The following SLC24A2 variants were observed in gnomAD, a reference collection of about 807,000 sequenced individuals.
SLC24A2 encodes solute carrier family 24 member 2.
A neutral mutation model predicts 62.0 loss-of-function variants in SLC24A2; 36 were observed. The ratio of observed to expected loss-of-function variants is 0.58; its 90% CI spans 0.44 to 0.77. The LOEUF is 0.77. Ranked by LOEUF, SLC24A2 falls within the 30% of genes least tolerant of loss-of-function variation. The pLI is 0.00. For missense variants in SLC24A2, 846 were observed against 817.9 expected (o/e 1.03, Z -0.42); for synonymous variants, 358 against 294.0 (o/e 1.22, Z -2.23).
intron 2 of SLC24A2, among the ~76,000 whole-genome samples, chr9:19,729,340 C>A (rs1401644508): frequency 6.6e-6 from 1 of 152,194 alleles, no homozygotes; most frequent in African/African-American, 2.4e-5. Context: ...AATAGGACCA[C>A]TGTATGATCC....
chr9:19,888,737 T>C, the SLC24A2 span, among the ~76,000 whole-genome samples: 1 of 152,206 alleles, frequency 6.6e-6, no homozygotes, highest in South Asian at 2.1e-4. Flanking sequence ...CAGAATCTGC[T>C]GCCTCGGTGT....
the SLC24A2 span, among the ~76,000 whole-genome samples, chr9:19,954,587 A>AT: frequency 0.022 from 3,237 of 148,086 alleles, 107 homozygotes; most frequent in African/African-American, 0.075. Context: ...CTTCCGCCAG[A>AT]TTTTTTTTTT....
At chr9:19,838,446 G>C in the SLC24A2 span, among the ~76,000 whole-genome samples, 1 of 133,616 alleles carries the variant, frequency 7.5e-6, no homozygotes, top group South Asian at 2.6e-4. Flanking sequence ...TTAAATGTTA[G>C]ACCTAAAACC....
the SLC24A2 span, among the ~76,000 whole-genome samples, chr9:19,851,300 C>T: frequency 6.6e-6 from 1 of 151,538 alleles, no homozygotes; most frequent in Non-Finnish European, 1.5e-5. Context: ...GCTGGGATTA[C>T]AGGTGTGAGC....
the SLC24A2 span, among the ~76,000 whole-genome samples, chr9:20,094,389 T>C: frequency 6.6e-6 from 1 of 152,212 alleles, no homozygotes; most frequent in Non-Finnish European, 1.5e-5. Flanking sequence ...TAAATGAGCC[T>C]GTCACTACAA....
At chr9:19,774,528 T>C (rs1485495304) in intron 2 of SLC24A2, among the ~76,000 whole-genome samples, 1 of 152,196 alleles carries the variant, frequency 6.6e-6, no homozygotes, top group Non-Finnish European at 1.5e-5. Context: ...TATATTTGGT[T>C]GCTATCAGGT....
the SLC24A2 span, among the ~76,000 whole-genome samples, chr9:20,077,024 C>T: frequency 6.6e-6 from 1 of 151,020 alleles, no homozygotes; most frequent in South Asian, 2.1e-4. Flanking sequence ...AGGCCTTCAG[C>T]TAATGAAATA....
the SLC24A2 span, among the ~76,000 whole-genome samples, chr9:20,132,948 G>C: frequency 6.6e-6 from 1 of 152,072 alleles, no homozygotes; most frequent in Non-Finnish European, 1.5e-5. Flanking sequence ...GAAACATTTT[G>C]TGATGGTGTT....
At chr9:19,839,972 G>A in the SLC24A2 span, among the ~76,000 whole-genome samples, 1 of 152,176 alleles carries the variant, frequency 6.6e-6, no homozygotes. Context: ...AGGTTTATGT[G>A]AGTACACTCT....
At chr9:19,866,617 C>T in the SLC24A2 span, among the ~76,000 whole-genome samples, 2 of 145,114 alleles carry the variant, frequency 1.4e-5, no homozygotes, top group African/African-American at 2.5e-5. Context: ...ACAAACATCA[C>T]GTTTTCACTT....
At chr9:20,065,295 G>T in the SLC24A2 span, among the ~76,000 whole-genome samples, 1 of 152,172 alleles carries the variant, frequency 6.6e-6, no homozygotes, top group East Asian at 1.9e-4. Context: ...AAGACAAAGG[G>T]TCTCACTTGT....
chr9:20,092,213 C>G, the SLC24A2 span, among the ~76,000 whole-genome samples: 1 of 152,124 alleles, frequency 6.6e-6, no homozygotes, highest in Admixed American at 6.5e-5. Context: ...TGTAACAAAC[C>G]TGCACATATA....
At chr9:19,833,865 C>A in the SLC24A2 span, among the ~76,000 whole-genome samples, 5 of 152,342 alleles carry the variant, frequency 3.3e-5, no homozygotes. Context: ...CCGGGTACTC[C>A]TCTGAGACAA....
At chr9:19,841,780 T>G in the SLC24A2 span, among the ~76,000 whole-genome samples, 1 of 152,152 alleles carries the variant, frequency 6.6e-6, no homozygotes, top group Non-Finnish European at 1.5e-5. Context: ...TCAATGCTCA[T>G]CAACAGGCAT....
At chr9:19,970,723 G>T in the SLC24A2 span, among the ~76,000 whole-genome samples, 5 of 152,072 alleles carry the variant, frequency 3.3e-5, no homozygotes, top group South Asian at 6.2e-4. Flanking sequence ...TATAAAAAAT[G>T]AATCTATTTT....
chr9:20,182,603 G>A, the SLC24A2 span, among the ~76,000 whole-genome samples: 1 of 152,182 alleles, frequency 6.6e-6, no homozygotes, highest in East Asian at 1.9e-4. Flanking sequence ...CGTGGACACA[G>A]GGAGGGGAAC....
At chr9:19,943,121 A>G in the SLC24A2 span, among the ~76,000 whole-genome samples, 2 of 152,222 alleles carry the variant, frequency 1.3e-5, no homozygotes, top group African/African-American at 4.8e-5. Flanking sequence ...CATTTACCTG[A>G]TAATGCTTTT....
chr9:19,821,684 T>C, the SLC24A2 span, among the ~76,000 whole-genome samples: 1 of 152,164 alleles, frequency 6.6e-6, no homozygotes, highest in Non-Finnish European at 1.5e-5. Flanking sequence ...CTCATTAATT[T>C]TCTAATAAGA....
At chr9:19,772,781 T>A (rs1476270268) in intron 2 of SLC24A2, among the ~76,000 whole-genome samples, 2 of 152,176 alleles carry the variant, frequency 1.3e-5, no homozygotes, top group African/African-American at 4.8e-5. Flanking sequence ...GGAAAACAGT[T>A]GGCAGTTCCT....
Sources: gnomAD v4.1 joint callset for allele counts (sites outside exome capture counted in the v4.1 genomes callset) on GRCh38, gnomAD v4.1.1 for gene constraint, MANE v1.5 for transcripts, NCBI Gene and HGNC (gene_info 2026-07-23, HGNC 2026-07-21) for gene names.